Variants in SREK1IP1 observed in about 807,000 individuals in gnomAD.
SREK1IP1 encodes the protein SREK1 interacting protein 1.
Under a neutral mutation model 22.8 loss-of-function variants are expected in SREK1IP1, and 12 were observed. That is an observed-to-expected ratio of 0.53 (90% CI 0.34 to 0.85). SREK1IP1 has a LOEUF of 0.85. Ranked by LOEUF, SREK1IP1 falls within the 40% of genes least tolerant of loss-of-function variation. The pLI, the probability that SREK1IP1 is intolerant of heterozygous loss-of-function variation, is 0.02. For synonymous variants in SREK1IP1, 53 were observed against 52.7 expected (o/e 1.01, Z -0.02); for missense variants, 147 against 171.8 (o/e 0.86, Z 0.81).
rs1024208071 is a variant in SREK1IP1, at chr5:64,740,432, T to C, written c.205+625A>G. On this transcript the variant is annotated intron_variant, in intron 3 of 4. Coordinates refer to ENST00000513458, the MANE Select transcript of SREK1IP1 (RefSeq NM_173829.4). ...TGTAACTATCCAAGCATAAAATGAG[T>C]ATGTTTCATGACCAAATCAACTTTC... Among the ~76,000 whole-genome samples the C allele has an allele frequency of 7.9e-5, 12 of 151,994 alleles. No homozygotes were observed. The East Asian group carries it at 2.3e-3, about 29-fold the overall frequency.
chr5:64,760,537 T>A (rs755834678), intron 1 of SREK1IP1, among the ~76,000 whole-genome samples: 1 of 152,156 alleles, frequency 6.6e-6, no homozygotes, highest in Non-Finnish European at 1.5e-5. Context: ...ACATGCAGAC[T>A]GATAGGCCTG....
intron 1 of SREK1IP1, among the ~76,000 whole-genome samples, chr5:64,764,622 T>C (rs1335410407): frequency 6.6e-6 from 1 of 152,142 alleles, no homozygotes; most frequent in Non-Finnish European, 1.5e-5. Context: ...TTTAGAAGCT[T>C]AAGAAACCTT....
At chr5:64,768,359 T>C (rs369160260) in intron 1 of SREK1IP1, 146 bp downstream of exon 1, 220 of 1,031,594 alleles carry the variant, frequency 2.1e-4, no homozygotes, top group East Asian at 1.0e-3. Context: ...GTGTAAACTT[T>C]TTCATGTAAA....
intron 3 of SREK1IP1, among the ~76,000 whole-genome samples, chr5:64,737,369 T>TA (rs1015345647): frequency 4.0e-5 from 6 of 149,716 alleles, no homozygotes; most frequent in East Asian, 2.0e-4. Context: ...AAAGAGAAAT[T>TA]AAAAAAAACT....
At chr5:64,756,084 T>G (rs1742836037) in intron 1 of SREK1IP1, among the ~76,000 whole-genome samples, 1 of 152,154 alleles carries the variant, frequency 6.6e-6, no homozygotes. Flanking sequence ...CCTGTATAAT[T>G]AGTAGTACAT....
intron 3 of SREK1IP1, among the ~76,000 whole-genome samples, chr5:64,731,307 A>G (rs1742373560): frequency 6.6e-6 from 1 of 152,036 alleles, no homozygotes; most frequent in Non-Finnish European, 1.5e-5. Context: ...TAAGACTCAG[A>G]GTTCGAAACC....
intron 3 of SREK1IP1, among the ~76,000 whole-genome samples, chr5:64,732,097 G>A (rs1036422199): frequency 4.5e-4 from 69 of 152,244 alleles, no homozygotes; most frequent in South Asian, 1.7e-3. Flanking sequence ...CCACGATTTT[G>A]TCAGTTATGC....
chr5:64,746,479 A>G (rs1293612003), intron 2 of SREK1IP1, among the ~76,000 whole-genome samples: 1 of 152,228 alleles, frequency 6.6e-6, no homozygotes, highest in Non-Finnish European at 1.5e-5. Context: ...ATAAAGAACA[A>G]CTATAACTCA....
rs775067702 is a variant in SREK1IP1 at position 64,768,478 on chromosome 5, C to G, written c.13+27G>C. On this transcript the variant is annotated intron_variant, in intron 1 of 4. Transcript: ENST00000513458. ...CCTTGCGCTCCCTTCGGAGCTCGGA[C>G]GCAGAGGCCCTGTAATTGCTCCTTA... The G allele has an allele frequency of 3.1e-6, 5 of 1,613,984 alleles. No individual in the cohort carries two copies. The East Asian group carries it at 1.1e-4, about 36-fold the overall frequency.
chr5:64,743,531 ATTT>A (rs142957656), intron 2 of SREK1IP1, among the ~76,000 whole-genome samples: 1 of 152,006 alleles, frequency 6.6e-6, no homozygotes, highest in Non-Finnish European at 1.5e-5. Flanking sequence ...CTCCATCTTA[ATTT>A]TTTTGTCTAA....
At chr5:64,762,636 T>C (rs1331220741) in intron 1 of SREK1IP1, among the ~76,000 whole-genome samples, 1 of 152,182 alleles carries the variant, frequency 6.6e-6, no homozygotes, top group Non-Finnish European at 1.5e-5. Context: ...GCAGTAGAAA[T>C]TAGTCATTTT....
chr5:64,730,254 A>G (rs1742354063), intron 3 of SREK1IP1, among the ~76,000 whole-genome samples: 1 of 152,214 alleles, frequency 6.6e-6, no homozygotes, highest in Non-Finnish European at 1.5e-5. Flanking sequence ...AAAACGCCAA[A>G]TAAATTTGGC....
rs1343430358 is a variant in SREK1IP1, at chr5:64,729,045, A to G, written c.206-866T>C. The stretch of plus-strand genomic sequence containing the variant: ...ATTTCTACTAAAAATACAAAAAATT[A>G]GCCAGGCGTGGCGGCAGGAGCCTGT... On this transcript the variant is annotated intron_variant, in intron 3 of 4. Transcript: ENST00000513458. 4.6e-5 allele frequency among the ~76,000 whole-genome samples: 7 copies of G among 152,204 alleles called. No individual in the cohort carries two copies. The South Asian group carries it at 1.2e-3, about 27-fold the overall frequency.
intron 2 of SREK1IP1, among the ~76,000 whole-genome samples, chr5:64,751,219 C>A (rs1742734924): frequency 6.6e-6 from 1 of 152,220 alleles, no homozygotes. Context: ...ATGCTACATG[C>A]TCTTGTTTCT....
At chr5:64,766,377 T>C (rs910294141) in intron 1 of SREK1IP1, among the ~76,000 whole-genome samples, 22 of 152,142 alleles carry the variant, frequency 1.4e-4, no homozygotes, top group Non-Finnish European at 2.5e-4. Context: ...TTTCCTCTTT[T>C]ACCTACCCAC....
At chr5:64,732,113 G>A (rs1001225133) in intron 3 of SREK1IP1, among the ~76,000 whole-genome samples, 2 of 152,114 alleles carry the variant, frequency 1.3e-5, no homozygotes, top group Admixed American at 1.3e-4. Context: ...TATGCCAACA[G>A]CTTTTTAGAA....
intron 1 of SREK1IP1, among the ~76,000 whole-genome samples, chr5:64,759,742 G>A (rs1334297761): frequency 2.6e-5 from 4 of 152,152 alleles, no homozygotes; most frequent in Non-Finnish European, 4.4e-5. Context: ...TCAAACATGT[G>A]GAGATATGCT....
chr5:64,740,945 T>TA, intron 3 of SREK1IP1, 112 bp downstream of exon 3: 1 of 957,822 alleles, frequency 1.0e-6, no homozygotes, highest in African/African-American at 1.7e-5. Flanking sequence ...TCCTATGCAG[T>TA]AGCTCTTACA....
At chr5:64,756,168 T>C (rs191960484) in intron 1 of SREK1IP1, among the ~76,000 whole-genome samples, 56 of 152,244 alleles carry the variant, frequency 3.7e-4, no homozygotes, top group Admixed American at 9.2e-4. Flanking sequence ...AAAATATAAA[T>C]AACATACAAT....
Sources: allele counts gnomAD v4.1 joint callset (sites outside exome capture counted in the v4.1 genomes callset), GRCh38; gene constraint gnomAD v4.1.1; transcripts MANE v1.5; gene names NCBI Gene and HGNC (gene_info 2026-07-23, HGNC 2026-07-21).